Variants in LRRIQ1 observed in about 807,000 individuals in gnomAD.
The protein encoded by LRRIQ1 is leucine-rich repeat- and IQ domain-containing protein 1.
LRRIQ1 carries 210 observed loss-of-function variants against 211.9 expected under a neutral mutation model. The observed-to-expected ratio is 0.99, with a 90% CI of 0.89 to 1.11. LRRIQ1 has a LOEUF of 1.11. Ranked by LOEUF, LRRIQ1 falls within the 50% of genes most tolerant of loss-of-function variation. LRRIQ1 has a pLI of 0.00. For missense variants in LRRIQ1, 2,136 were observed against 1,939.5 expected (o/e 1.10, Z -1.90); for synonymous variants, 699 against 650.1 (o/e 1.08, Z -1.14).
At chr12:85,178,679 T>C (rs1394756389) in intron 24 of LRRIQ1, among the ~76,000 whole-genome samples, 34 of 151,968 alleles carry the variant, frequency 2.2e-4, no homozygotes, top group Non-Finnish European at 4.4e-5. Context: ...TCTCTCTTGG[T>C]TCTTCTATTT....
At chr12:85,179,231 T>C (rs1390880462) in intron 24 of LRRIQ1, among the ~76,000 whole-genome samples, 3 of 152,014 alleles carry the variant, frequency 2.0e-5, no homozygotes, top group Non-Finnish European at 4.4e-5. Flanking sequence ...TTCTTAATTC[T>C]GTTCTCTATC....
chr12:85,161,036 TGTATCA>T (rs1890844723), intron 24 of LRRIQ1, among the ~76,000 whole-genome samples: 1 of 152,116 alleles, frequency 6.6e-6, no homozygotes, highest in South Asian at 2.1e-4. Flanking sequence ...TATATTAACT[TGTATCA>T]GTGGAAGTGA....
intron 24 of LRRIQ1, among the ~76,000 whole-genome samples, chr12:85,175,424 A>G (rs1891644324): frequency 6.6e-6 from 1 of 152,192 alleles, no homozygotes; most frequent in African/African-American, 2.4e-5. Flanking sequence ...TAAATACTAA[A>G]GAGTATTCTT....
intron 11 of LRRIQ1, among the ~76,000 whole-genome samples, chr12:85,082,522 G>C (rs1328087909): frequency 6.6e-6 from 1 of 151,934 alleles, no homozygotes; most frequent in Non-Finnish European, 1.5e-5. Flanking sequence ...CATTATGTAT[G>C]TGTGATATAT....
chr12:85,147,921 C>CA (rs991817799), intron 19 of LRRIQ1, among the ~76,000 whole-genome samples: 2 of 151,692 alleles, frequency 1.3e-5, no homozygotes, highest in Non-Finnish European at 2.9e-5. Flanking sequence ...AATAGAACGA[C>CA]AATAGGTGCT....
At chr12:85,129,140 A>C (rs548080109) in intron 18 of LRRIQ1, among the ~76,000 whole-genome samples, 8 of 152,252 alleles carry the variant, frequency 5.3e-5, no homozygotes, top group African/African-American at 1.7e-4. Flanking sequence ...ATATTCCAAG[A>C]CCAGATTTTA....
At chr12:85,059,692 G>A (rs190496224) in intron 8 of LRRIQ1, among the ~76,000 whole-genome samples, 5 of 152,000 alleles carry the variant, frequency 3.3e-5, no homozygotes, top group Admixed American at 2.6e-4. Flanking sequence ...TGAGTGGGGG[G>A]ATGAATCAAT....
chr12:85,152,479 T>C, intron 20 of LRRIQ1, 110 bp downstream of exon 20: 2 of 736,272 alleles, frequency 2.7e-6, no homozygotes, highest in South Asian at 3.4e-5. Context: ...ACATAATTAC[T>C]TTTAGAAGCC....
At chr12:85,266,183 T>A (rs897459695), downstream of LRRIQ1, among the ~76,000 whole-genome samples, 2 of 152,116 alleles carry the variant, frequency 1.3e-5, no homozygotes, top group African/African-American at 4.8e-5. Flanking sequence ...GATTAGCCCC[T>A]GACTTGTAAT....
intron 1 of LRRIQ1, among the ~76,000 whole-genome samples, chr12:85,251,365 G>A (rs1248017279): frequency 6.6e-6 from 1 of 151,840 alleles, no homozygotes; most frequent in Non-Finnish European, 1.5e-5. Context: ...TAACTAGAGA[G>A]TGACTAATAA....
intron 13 of LRRIQ1, among the ~76,000 whole-genome samples, chr12:85,100,907 C>T (rs555408667): frequency 6.6e-6 from 1 of 151,752 alleles, no homozygotes; most frequent in East Asian, 1.9e-4. Flanking sequence ...AATTTATGCT[C>T]TTACATGTGA....
At chr12:85,249,714 G>T (rs1895846963), downstream of LRRIQ1, among the ~76,000 whole-genome samples, 1 of 151,798 alleles carries the variant, frequency 6.6e-6, no homozygotes, top group Non-Finnish European at 1.5e-5. Context: ...ATTTTTAAAT[G>T]GATATTGTTT....
chr12:85,228,967 C>A (rs774534095), intron 24 of LRRIQ1, among the ~76,000 whole-genome samples: 1 of 152,072 alleles, frequency 6.6e-6, no homozygotes, highest in Non-Finnish European at 1.5e-5. Context: ...ATGGAGCAGT[C>A]TAAAAGATCA....
At chr12:85,039,783 G>T (rs1878647886) in intron 2 of LRRIQ1, among the ~76,000 whole-genome samples, 1 of 151,560 alleles carries the variant, frequency 6.6e-6, no homozygotes, top group South Asian at 2.1e-4. Flanking sequence ...AGGTCCCTCA[G>T]TGAAGTGTTG....
At position 85,124,342 on chromosome 12, in the gene LRRIQ1, T is replaced by G; in HGVS notation, c.3830T>G (p.Leu1277Ter). 6.2e-7 allele frequency: 1 copy of G among 1,614,060 alleles called. No individual in the cohort carries two copies. The highest frequency in any genetic ancestry group is 8.5e-7 in the Non-Finnish European group (1 of 1,180,028). Residue 1277 changes from leucine to a stop codon, truncating the protein, a stop_gained, in exon 17 of 27, where the codon TTA becomes TGA. Coordinates refer to ENST00000393217, the MANE Select transcript of LRRIQ1 (RefSeq NM_001079910.2). LOFTEE classifies it high-confidence loss of function. Reference sequence around the variant, plus strand: ...GACTCTGTCTCCAGCCACTCCCCATTAAGCAAATCCGCCACATGTGAAAAT... The same window carrying G: ...GACTCTGTCTCCAGCCACTCCCCATGAAGCAAATCCGCCACATGTGAAAAT... ...WMDSVSSHSP[L>*]SKSATCENME...
chr12:85,247,444 A>C (rs1449624720), downstream of LRRIQ1, among the ~76,000 whole-genome samples: 6 of 151,538 alleles, frequency 4.0e-5, no homozygotes, highest in African/African-American at 1.4e-4. Context: ...TTTCTCTTTT[A>C]GTGTTGTTAT....
At chr12:85,257,146 A>G (rs952237348) in intron 1 of LRRIQ1, among the ~76,000 whole-genome samples, 4 of 3,478 alleles carry the variant, frequency 1.2e-3, no homozygotes, top group African/African-American at 2.7e-3. Context: ...TTATATATTT[A>G]TATGATTATA....
intron 24 of LRRIQ1, among the ~76,000 whole-genome samples, chr12:85,224,151 AGC>A (rs1894535369): frequency 9.5e-6 from 1 of 105,392 alleles, no homozygotes; most frequent in South Asian, 2.4e-4. Context: ...TATGAAAAAA[AGC>A]TCATCACTGG....
At position 85,047,352 on chromosome 12, in the gene LRRIQ1, A is replaced by G. The variant is rs749787686; in HGVS notation, c.560A>G (p.Gln187Arg). The stretch of plus-strand genomic sequence containing the variant: ...AAGGAATTAGAAGATAAAGAGAAAC[A>G]AACTCTCAAAGCTCAGAGGGATAGA... ...KQKELEDKEK[Q>R]TLKAQRDREE... is the part of the protein sequence containing the mutation. The change falls in exon 6 of 27, where the codon CAA becomes CGA. Residue 187 changes from glutamine to arginine, a missense_variant. Gln to Arg is a conservative substitution (Grantham distance 43). Transcript: ENST00000393217. The G allele has an allele frequency of 1.2e-6, 2 of 1,608,986 alleles. No homozygotes were observed. The highest frequency in any genetic ancestry group is 1.7e-5 in the Admixed American group (1 of 59,984).
Sources: allele counts gnomAD v4.1 joint callset (sites outside exome capture counted in the v4.1 genomes callset), GRCh38; gene constraint gnomAD v4.1.1; transcripts MANE v1.5; gene names NCBI Gene and HGNC (gene_info 2026-07-23, HGNC 2026-07-21).